The following ATP6V0A2 variants were observed in gnomAD, a reference collection of about 807,000 sequenced individuals.
The protein encoded by ATP6V0A2 is ATPase H+ transporting V0 subunit a2.
ATP6V0A2 carries 58 observed loss-of-function variants against 104.4 expected under a neutral mutation model. The ratio of observed to expected loss-of-function variants is 0.56; its 90% CI spans 0.45 to 0.69. The LOEUF (loss-of-function observed/expected upper bound fraction) is 0.69. Ranked by LOEUF, ATP6V0A2 falls within the 30% of genes least tolerant of loss-of-function variation. The probability of loss-of-function intolerance (pLI) is 0.00; values close to 1 mark genes in which losing one functional copy is unlikely to be tolerated. For synonymous variants in ATP6V0A2, 376 were observed against 397.9 expected (o/e 0.95, Z 0.65); for missense variants, 938 against 1,062.9 (o/e 0.88, Z 1.63).
Position 123,712,362 on chromosome 12 carries a change from C to A in ATP6V0A2, c.-204C>A, listed in dbSNP as rs916900862. 2 of 331,138 alleles carry A rather than the reference C, an allele frequency of 6.0e-6. No homozygotes were observed. Among genetic ancestry groups the A allele is most frequent in the Non-Finnish European group, 1.1e-5 (2 of 184,946 alleles). 20.5% of individuals were successfully genotyped at this position (331,138 alleles called of 1,614,324 possible). A position where few individuals can be genotyped will look rare whatever the true frequency, so the allele number is the denominator to read the frequency against. ...GCAGTGGCTTGGGGGCGGGACCTCG[C>A]GGACTGCTGTGGCGGCAGCTGGAGC... is the stretch of plus-strand genomic sequence containing the variant. On this transcript the variant is annotated 5_prime_UTR_variant, in exon 1 of 20. Transcript: ENST00000330342.
rs551697992 is a variant in ATP6V0A2 at position 123,756,811 on chromosome 12, G to A, written c.2294-4G>A. ...TGACCTGTGCAGGCTGCACTCCTTT[G>A]CAGAGTTGTCTGATGTCCTGTGGGC... On this transcript the variant is annotated splice_polypyrimidine_tract_variant and splice_region_variant and intron_variant, in intron 18 of 19. Coordinates refer to ENST00000330342, the MANE Select transcript of ATP6V0A2 (RefSeq NM_012463.4). 3.8e-4 allele frequency: 616 copies of A among 1,613,696 alleles called. 8 individuals are homozygous for A. In the South Asian group the frequency reaches 6.5e-3, roughly 17 times the overall value.
At chr12:123,713,763 G>C (rs1009174523) in intron 1 of ATP6V0A2, among the ~76,000 whole-genome samples, 3 of 152,136 alleles carry the variant, frequency 2.0e-5, no homozygotes, top group Admixed American at 2.0e-4. Context: ...CCACTCAGGC[G>C]AACATTTTAT....
rs143739843 is a variant in ATP6V0A2, at chr12:123,737,592, A to G, written c.1038+321A>G. ...TGAAATTATGGTGAGCTGGTCATTC[A>G]AAGCTGTATGTGAGTACATGTGTTT... On this transcript the variant is annotated intron_variant, in intron 9 of 19. Coordinates refer to ENST00000330342, the MANE Select transcript of ATP6V0A2 (RefSeq NM_012463.4). 2.9e-3 allele frequency: 1,049 copies of G among 366,960 alleles called. 6 individuals carry two copies. The highest frequency in any genetic ancestry group is 4.5e-3 in the Non-Finnish European group (850 of 190,736). The allele number at this position is 366,960 out of a possible 1,614,324, so 22.7% of individuals were successfully genotyped here. A position where few individuals can be genotyped will look rare whatever the true frequency, so the allele number is the denominator to read the frequency against.
At chr12:123,750,449 A>C (rs1956703988) in intron 15 of ATP6V0A2, 1 of 156,582 alleles carries the variant, frequency 6.4e-6, no homozygotes, top group Non-Finnish European at 1.4e-5. Context: ...TTTGTGCCTG[A>C]GTAGCACACA....
rs1956770580 is a variant in ATP6V0A2 at position 123,756,943 on chromosome 12, A to G, written c.2422A>G (p.Met808Val). 1 of 1,614,154 alleles carries G rather than the reference A, an allele frequency of 6.2e-7. No individual in the cohort carries two copies. Among genetic ancestry groups the G allele is most frequent in the Non-Finnish European group, 8.5e-7 (1 of 1,180,042 alleles). ...TTTGACCATTTTCATCCTTCTGATC[A>G]TGGAAGGGCTTTCTGCGTTTCTTCA... ...AVLTIFILLIMEGLSAFLHAI... is the reference protein window; with the variant it reads ...AVLTIFILLIVEGLSAFLHAI... The change falls in exon 19 of 20, where the codon ATG becomes GTG. Residue 808 changes from methionine (M) to valine (V), a missense_variant. Physicochemically the swap from Met to Val is conservative, Grantham distance 21. Transcript: ENST00000330342.
At chr12:123,720,688 C>T (rs1302105774) in intron 2 of ATP6V0A2, among the ~76,000 whole-genome samples, 5 of 151,890 alleles carry the variant, frequency 3.3e-5, no homozygotes, top group Admixed American at 6.6e-5. Context: ...AGGGTATGAC[C>T]CCATAAGAAT....
At chr12:123,752,760 G>A (rs1380872569) in intron 17 of ATP6V0A2, among the ~76,000 whole-genome samples, 2 of 152,158 alleles carry the variant, frequency 1.3e-5, no homozygotes, top group Non-Finnish European at 1.5e-5. Flanking sequence ...TTCTGATTGC[G>A]AAGGGATTTT....
intron 3 of ATP6V0A2, chr12:123,723,861 A>G (rs1421608530): frequency 6.6e-6 from 1 of 152,192 alleles, no homozygotes; most frequent in African/African-American, 2.4e-5. Context: ...TTATCTAAAT[A>G]TATTCTGTGT....
intron 8 of ATP6V0A2, among the ~76,000 whole-genome samples, chr12:123,736,199 T>C (rs1358894051): frequency 6.8e-6 from 1 of 146,600 alleles, no homozygotes; most frequent in East Asian, 2.1e-4. Context: ...TTTTTTTTTT[T>C]TTTTTTTTGA....
At position 123,744,209 on chromosome 12, in the gene ATP6V0A2, A is replaced by G. The variant is rs763020903; in HGVS notation, c.1198A>G (p.Thr400Ala). ...TTCCCTTTTTTCTGCAGCTCTCTTT[A>G]CCATCATCACCTTCCCGTTTTTATT... ...SYREVNPALF[T>A]IITFPFLFAV... The change falls in exon 11 of 20, where the codon ACC becomes GCC. Residue 400 changes from threonine (T) to alanine (A), a missense_variant. By Grantham distance (58) the Thr-to-Ala change is moderately conservative. Transcript: ENST00000330342. The surrounding 1 kb of genome is among the most constrained non-coding windows in gnomAD (Gnocchi z 5.4). 4 of 1,613,928 alleles carry G rather than the reference A, an allele frequency of 2.5e-6. No homozygotes were observed. The African/African-American group carries it at 5.3e-5, about 22-fold the overall frequency.
At chr12:123,748,895 T>C in intron 15 of ATP6V0A2, 110 bp downstream of exon 15, 1 of 1,084,620 alleles carries the variant, frequency 9.2e-7, no homozygotes, top group South Asian at 1.3e-5. Flanking sequence ...GGAAGGCTGC[T>C]TCTGTCTCTG....
chr12:123,755,248 T>C (rs886577283), intron 18 of ATP6V0A2, among the ~76,000 whole-genome samples: 1 of 151,996 alleles, frequency 6.6e-6, no homozygotes, highest in Non-Finnish European at 1.5e-5. Context: ...TAGAAAAGAA[T>C]AGGACAGGCC....
At chr12:123,715,531 T>G (rs1303075263) in intron 1 of ATP6V0A2, among the ~76,000 whole-genome samples, 1 of 152,226 alleles carries the variant, frequency 6.6e-6, no homozygotes, top group African/African-American at 2.4e-5. Context: ...AAGTTGTATC[T>G]TAACTGTTTC....
At position 123,744,931 on chromosome 12, in the gene ATP6V0A2, C is replaced by G. The variant is rs867727158; in HGVS notation, c.1564C>G (p.Pro522Ala). ...NSILQLDPSI[P>A]GVFRGPYPLG... Reference sequence around the variant, plus strand: ...CATTTTGCAGCTGGATCCAAGCATTCCTGGAGTGTTCCGAGGCCCTTATCC... The same window carrying G: ...CATTTTGCAGCTGGATCCAAGCATTGCTGGAGTGTTCCGAGGCCCTTATCC... The change falls in exon 13 of 20, where the codon CCT becomes GCT. Residue 522 changes from proline to alanine, a missense_variant. Transcript: ENST00000330342. This position sits in a 1 kb window ranked among gnomAD's most constrained non-coding sequence, Gnocchi z 5.4. 1 of 1,614,098 alleles carries G rather than the reference C, an allele frequency of 6.2e-7. No individual in the cohort carries two copies. The highest frequency in any genetic ancestry group is 1.3e-5 in the African/African-American group (1 of 74,928).
At chr12:123,723,274 A>G (rs963570479) in intron 3 of ATP6V0A2, 3 of 152,164 alleles carry the variant, frequency 2.0e-5, no homozygotes, top group Non-Finnish European at 2.9e-5. Context: ...AAACATAGTG[A>G]TGACTGTGTA....
At position 123,718,692 on chromosome 12, in the gene ATP6V0A2, C is replaced by T. The variant is rs80356750; in HGVS notation, c.187C>T (p.Arg63Ter). The change falls in exon 2 of 20, where the codon CGA (arginine) becomes TGA (stop). Residue 63 changes from arginine to a stop codon, truncating the protein, a stop_gained. Coordinates refer to ENST00000330342, the MANE Select transcript of ATP6V0A2 (RefSeq NM_012463.4). LOFTEE classifies it high-confidence loss of function. ...GGTGAAGAGGTGTGAAGAGCTAGAG[C>T]GAATATTGGGTAAGTTTATTTTCTG... is the stretch of plus-strand genomic sequence containing the variant. ...GEVKRCEELE[R>*]ILVYLVQEIN... 18 of 1,608,664 alleles carry T rather than the reference C, an allele frequency of 1.1e-5. No individual in the cohort carries two copies. The highest frequency in any genetic ancestry group is 5.0e-5 in the Admixed American group (3 of 59,876).
chr12:123,744,090 A>G lies in ATP6V0A2; in HGVS notation c.1190-111A>G, dbSNP rs1956636238. The G allele has an allele frequency of 1.3e-6, 2 of 1,547,518 alleles. No homozygotes were observed. The highest frequency in any genetic ancestry group is 2.2e-5 in the East Asian group (1 of 44,560). On this transcript the variant is annotated intron_variant, in intron 10 of 19. Transcript: ENST00000330342. This position sits in a 1 kb window ranked among gnomAD's most constrained non-coding sequence, Gnocchi z 5.4. ...GTTTTAAATGTAACCACACAATCCT[A>G]TCTTGTGAATTCTGGAGAAAGTCAA... is the stretch of plus-strand genomic sequence containing the variant.
At chr12:123,733,537 A>C in intron 6 of ATP6V0A2, 2 of 270,274 alleles carry the variant, frequency 7.4e-6, no homozygotes, top group South Asian at 4.3e-5. Flanking sequence ...TCAGCCCTAC[A>C]CTCGGGGCTG....
At chr12:123,729,323 T>TTTTC (rs1381533562) in intron 6 of ATP6V0A2, among the ~76,000 whole-genome samples, 1 of 44,174 alleles carries the variant, frequency 2.3e-5, no homozygotes, top group Admixed American at 3.5e-4. Flanking sequence ...AAGGAGGCTG[T>TTTTC]TTTTTTTTTT....
Sources: gnomAD v4.1 joint callset for allele counts (sites outside exome capture counted in the v4.1 genomes callset) on GRCh38, gnomAD v4.1.1 for gene constraint, Gnocchi (gnomAD v3.1) non-coding constraint, MANE v1.5 for transcripts, NCBI Gene and HGNC (gene_info 2026-07-23, HGNC 2026-07-21) for gene names.